The following GCNT4 variants were observed in gnomAD, a reference collection of about 807,000 sequenced individuals.
GCNT4 encodes the protein beta-1,3-galactosyl-O-glycosyl-glycoprotein beta-1,6-N-acetylglucosaminyltransferase 4.
Under a neutral mutation model 31.3 loss-of-function variants are expected in GCNT4, and 17 were observed. The ratio of observed to expected loss-of-function variants is 0.54; its 90% CI spans 0.37 to 0.81. The LOEUF is 0.81. Ranked by LOEUF, GCNT4 falls within the 40% of genes least tolerant of loss-of-function variation. The pLI, the probability that GCNT4 is intolerant of heterozygous loss-of-function variation, is 0.00. For missense variants in GCNT4, 503 were observed against 525.5 expected (o/e 0.96, Z 0.42); for synonymous variants, 158 against 190.6 (o/e 0.83, Z 1.41).
chr5:75,044,189 A>G (rs1418300359), intron 3 of GCNT4, among the ~76,000 whole-genome samples: 1 of 152,100 alleles, frequency 6.6e-6, no homozygotes, highest in Admixed American at 6.6e-5. Context: ...CTTTGGAACC[A>G]GCTTTTCAAC....
chr5:75,019,822 T>C, the GCNT4 span, among the ~76,000 whole-genome samples: 1 of 152,240 alleles, frequency 6.6e-6, no homozygotes, highest in Non-Finnish European at 1.5e-5. Flanking sequence ...CTAGGTTCCT[T>C]TTAAGTGACA....
At chr5:75,033,129 C>T (rs1743110728) in intron 3 of GCNT4, among the ~76,000 whole-genome samples, 1 of 152,120 alleles carries the variant, frequency 6.6e-6, no homozygotes, top group African/African-American at 2.4e-5. Flanking sequence ...ACCAAGTCTC[C>T]CAGAGTTGTC....
chr5:75,045,171 G>A (rs1179029502), intron 3 of GCNT4, among the ~76,000 whole-genome samples: 1 of 152,140 alleles, frequency 6.6e-6, no homozygotes, highest in Non-Finnish European at 1.5e-5. Context: ...AATTTTAAGT[G>A]TACAGTTCAG....
rs1473709733 is a variant in GCNT4 at position 75,027,302 on chromosome 5, ATAATT to A, written c.*1369_*1373del. The stretch of plus-strand genomic sequence containing the variant: ...TTATATAATATATATTTATATATAT[ATAATT>A]ATATGTATATATAATATATATTCAT... On this transcript the variant is annotated 3_prime_UTR_variant, in exon 4 of 4. Transcript: ENST00000652361. 1 of 113,004 alleles carries A rather than the reference ATAATT, an allele frequency of 8.8e-6. No homozygotes were observed. The highest frequency in any genetic ancestry group is 5.1e-5 in the African/African-American group (1 of 19,684). The allele number at this position is 113,004 out of a possible 1,614,324, so 7.0% of individuals were successfully genotyped here.
the GCNT4 span, among the ~76,000 whole-genome samples, chr5:75,017,722 C>T: frequency 6.6e-6 from 1 of 152,124 alleles, no homozygotes; most frequent in Non-Finnish European, 1.5e-5. Context: ...TCCACTTTCC[C>T]GTGACCATGC....
chr5:75,051,999 C>G (rs112536957), intron 2 of GCNT4, among the ~76,000 whole-genome samples, 170 bp downstream of exon 2: 2 of 152,286 alleles, frequency 1.3e-5, no homozygotes, highest in African/African-American at 4.8e-5. Context: ...GATATGCTCT[C>G]TATAATGATT....
chr5:75,051,065 G>A (rs1363778841), intron 2 of GCNT4, among the ~76,000 whole-genome samples: 2 of 152,196 alleles, frequency 1.3e-5, no homozygotes, highest in African/African-American at 2.4e-5. Context: ...CTCCCCTCAG[G>A]TCATACTGAA....
At chr5:75,022,604 G>C (rs539722898), downstream of GCNT4, among the ~76,000 whole-genome samples, 13 of 152,300 alleles carry the variant, frequency 8.5e-5, no homozygotes, top group African/African-American at 2.9e-4. Flanking sequence ...GGAGCAATCT[G>C]TGTTTTAGAA....
chr5:75,044,241 C>A (rs1743387333), intron 3 of GCNT4, among the ~76,000 whole-genome samples: 2 of 152,048 alleles, frequency 1.3e-5, no homozygotes, highest in South Asian at 4.1e-4. Context: ...CCAACAAGTA[C>A]CATGTTGAAT....
At chr5:75,044,155 G>C (rs1458535981) in intron 3 of GCNT4, among the ~76,000 whole-genome samples, 1 of 152,110 alleles carries the variant, frequency 6.6e-6, no homozygotes, top group Non-Finnish European at 1.5e-5. Context: ...CTGTCTTCTT[G>C]AGAGCTTGTT....
At chr5:75,040,757 T>G (rs1438176127) in intron 3 of GCNT4, among the ~76,000 whole-genome samples, 1 of 152,232 alleles carries the variant, frequency 6.6e-6, no homozygotes, top group Non-Finnish European at 1.5e-5. Flanking sequence ...GGTTTTATTT[T>G]TCTAAAACAG....
At chr5:75,037,900 C>CA (rs200998686) in intron 3 of GCNT4, among the ~76,000 whole-genome samples, 42 of 125,538 alleles carry the variant, frequency 3.3e-4, no homozygotes, top group South Asian at 7.7e-4. Flanking sequence ...AAACAAAAAA[C>CA]AAAAAAAACA....
rs187535120 is a variant in GCNT4 at position 75,026,583 on chromosome 5, T to C, written c.*2093A>G. The C allele has an allele frequency of 3.4e-5, 5 of 146,986 alleles. No individual in the cohort carries two copies. The highest frequency in any genetic ancestry group is 2.0e-4 in the East Asian group (1 of 4,986). The allele number at this position is 146,986 out of a possible 1,614,324, so 9.1% of individuals were successfully genotyped here. On this transcript the variant is annotated 3_prime_UTR_variant, in exon 4 of 4. Transcript: ENST00000652361. ...CTACTACAGGTATCACTCTCTGACATTGAAATGTCAATAGTTTGTACCTAT... is the reference window on the plus strand; with the variant it reads ...CTACTACAGGTATCACTCTCTGACACTGAAATGTCAATAGTTTGTACCTAT...
chr5:75,028,482 A>C lies in GCNT4; in HGVS notation c.*194T>G. On this transcript the variant is annotated 3_prime_UTR_variant, in exon 4 of 4. Transcript: ENST00000652361. ...CTCAGTGAGATTACAAGCAAAAACA[A>C]ATATTAAAAAAACCTAGCCAACTGC... 1 of 559,804 alleles carries C rather than the reference A, an allele frequency of 1.8e-6. No individual in the cohort carries two copies. The highest frequency in any genetic ancestry group is 3.1e-6 in the Non-Finnish European group (1 of 326,766). 34.7% of individuals were successfully genotyped at this position (559,804 alleles called of 1,614,324 possible). A position where few individuals can be genotyped will look rare whatever the true frequency, so the allele number is the denominator to read the frequency against.
At chr5:75,038,665 G>T (rs1001097553) in intron 3 of GCNT4, among the ~76,000 whole-genome samples, 1 of 152,114 alleles carries the variant, frequency 6.6e-6, no homozygotes, top group Non-Finnish European at 1.5e-5. Flanking sequence ...GGGGGGGAGA[G>T]GTGAATGAGC....
rs1742964326 is a variant in GCNT4, at chr5:75,027,280, T to C, written c.*1396A>G. On this transcript the variant is annotated 3_prime_UTR_variant, in exon 4 of 4. Coordinates refer to ENST00000652361, the MANE Select transcript of GCNT4 (RefSeq NM_001366737.1). ...TATAATATATATTCATTATATGTTA[T>C]ATAATATATATTTATATATATATAA... is the stretch of plus-strand genomic sequence containing the variant. The C allele has an allele frequency of 8.4e-6, 1 of 119,182 alleles. No individual in the cohort carries two copies. The highest frequency in any genetic ancestry group is 2.0e-4 in the East Asian group (1 of 5,042). The allele number at this position is 119,182 out of a possible 1,614,324, so 7.4% of individuals were successfully genotyped here.
Position 75,029,191 on chromosome 5 carries a change from T to G in GCNT4, c.847A>C (p.Ile283Leu). 6.2e-7 allele frequency: 1 copy of G among 1,614,012 alleles called. No individual in the cohort carries two copies. Among genetic ancestry groups the G allele is most frequent in the Non-Finnish European group, 8.5e-7 (1 of 1,180,024 alleles). The change falls in exon 4 of 4, where the codon ATA becomes CTA. Residue 283 changes from isoleucine (I) to leucine (L), a missense_variant. Ile to Leu is a conservative substitution (Grantham distance 5). Coordinates refer to ENST00000652361, the MANE Select transcript of GCNT4 (RefSeq NM_001366737.1). ...GCTTCCTTGGAGATGTTTGTCCTTA[T>G]TGGTAGCTTCACATATTCATAAGGC... ...RVPYEYVKLP[I>L]RTNISKEAPP...
Position 75,029,042 on chromosome 5 carries a change from G to A in GCNT4, c.996C>T (p.Tyr332=), listed in dbSNP as rs1200520402. The change falls in exon 4 of 4, where the codon TAC becomes TAT. Residue 332 remains tyrosine (Y), a synonymous_variant. Coordinates refer to ENST00000652361, the MANE Select transcript of GCNT4 (RefSeq NM_001366737.1). ...TAGCCCAAAAGTGCTCATCAGGAGA[G>A]TATGTGTCTTTAGACCAGGCAAAAA... ...QDFFAWSKDT[Y]SPDEHFWATL... is the part of the protein sequence containing the mutation. 1.9e-6 allele frequency: 3 copies of A among 1,614,020 alleles called. No individual in the cohort carries two copies. The highest frequency in any genetic ancestry group is 2.2e-5 in the East Asian group (1 of 44,894).
chr5:75,049,103 TTTA>T, intron 2 of GCNT4, among the ~76,000 whole-genome samples: 1 of 150,372 alleles, frequency 6.7e-6, no homozygotes, highest in Admixed American at 6.6e-5. Context: ...TTGGGAAGAA[TTTA>T]CTGGTTTTGA....
Sources: allele counts gnomAD v4.1 joint callset (sites outside exome capture counted in the v4.1 genomes callset), GRCh38; gene constraint gnomAD v4.1.1; transcripts MANE v1.5; gene names NCBI Gene and HGNC (gene_info 2026-07-23, HGNC 2026-07-21).